CCT5: variants seen among roughly 807,000 people sequenced by gnomAD.
The protein encoded by CCT5 is T-complex protein 1 subunit epsilon.
A neutral mutation model predicts 55.0 loss-of-function variants in CCT5; 6 were observed. That is an observed-to-expected ratio of 0.11 (90% CI 0.06 to 0.22). The LOEUF (loss-of-function observed/expected upper bound fraction) is 0.22. Ranked by LOEUF, CCT5 falls within the 10% of genes least tolerant of loss-of-function variation. The pLI is 1.00. For missense variants in CCT5, 560 were observed against 694.6 expected (o/e 0.81, Z 2.18); for synonymous variants, 231 against 243.7 (o/e 0.95, Z 0.49).
chr5:10,260,231 G>A (rs184413982), intron 6 of CCT5, among the ~76,000 whole-genome samples: 6 of 152,256 alleles, frequency 3.9e-5, no homozygotes, highest in Non-Finnish European at 7.4e-5. Context: ...CAGCCTGATC[G>A]TTGCCCTCCT....
At chr5:10,260,754 A>T (rs773714890) in intron 6 of CCT5, 38 bp from the exon 7 acceptor site, 2 of 1,610,836 alleles carry the variant, frequency 1.2e-6, no homozygotes, top group African/African-American at 1.3e-5. Flanking sequence ...ATAAATACCC[A>T]CTTTCTCTTA....
At chr5:10,255,395 T>A (rs1745621523) in intron 3 of CCT5, among the ~76,000 whole-genome samples, 1 of 152,186 alleles carries the variant, frequency 6.6e-6, no homozygotes, top group South Asian at 2.1e-4. Flanking sequence ...CTTTAAAAAG[T>A]TGGGGAGATT....
At chr5:10,253,830 C>T (rs774726729) in intron 1 of CCT5, among the ~76,000 whole-genome samples, 2 of 152,148 alleles carry the variant, frequency 1.3e-5, no homozygotes, top group African/African-American at 2.4e-5. Context: ...GGTCTTGCAA[C>T]GCCTGTAAGG....
chr5:10,262,537 C>T lies in CCT5; in HGVS notation c.1236C>T (p.Leu412=). The T allele has an allele frequency of 3.7e-6, 6 of 1,614,240 alleles. No homozygotes were observed. Among genetic ancestry groups the T allele is most frequent in the Non-Finnish European group, 5.1e-6 (6 of 1,180,034 alleles). The change falls in exon 9 of 11, where the codon CTC becomes CTT. Residue 412 remains leucine (L), a synonymous_variant. Coordinates refer to ENST00000280326, the MANE Select transcript of CCT5 (RefSeq NM_012073.5). Reference sequence around the variant, plus strand: ...ATGCTTTGTGTGTCATCCGGAACCTCATCCGCGATAATCGTGTGGTGTATG... The same window carrying T: ...ATGCTTTGTGTGTCATCCGGAACCTTATCCGCGATAATCGTGTGGTGTATG... ...LHDALCVIRN[L]IRDNRVVYGG...
At chr5:10,259,994 CA>C (rs1264677798) in intron 6 of CCT5, among the ~76,000 whole-genome samples, 1 of 152,204 alleles carries the variant, frequency 6.6e-6, no homozygotes, top group Non-Finnish European at 1.5e-5. Flanking sequence ...AGAGGGAAAG[CA>C]GCTGCCATCT....
intron 8 of CCT5, 94 bp from the exon 9 acceptor site, chr5:10,262,387 C>A: frequency 7.4e-7 from 1 of 1,343,598 alleles, no homozygotes; most frequent in Non-Finnish European, 1.1e-6. Flanking sequence ...AATATTAGAG[C>A]ACAGCCTCTC....
chr5:10,253,425 C>A (rs2607295), intron 1 of CCT5, among the ~76,000 whole-genome samples: 112,325 of 152,040 alleles, frequency 0.74, 43,675 homozygotes, highest in East Asian at 0.87. Flanking sequence ...AGCAGTTTTT[C>A]TTTTTATTTT....
intron 6 of CCT5, among the ~76,000 whole-genome samples, chr5:10,259,318 G>A (rs1164640709): frequency 6.6e-6 from 1 of 152,224 alleles, no homozygotes; most frequent in African/African-American, 2.4e-5. Flanking sequence ...CAGTACTCAA[G>A]AAGACAGGAA....
intron 6 of CCT5, 144 bp from the exon 7 acceptor site, chr5:10,260,648 C>T: frequency 1.2e-6 from 1 of 828,492 alleles, no homozygotes. Context: ...GGACACTTGT[C>T]TATTTCCTTC....
chr5:10,261,855 T>C (rs1264833708), intron 8 of CCT5, 110 bp downstream of exon 8: 16 of 852,210 alleles, frequency 1.9e-5, no homozygotes, highest in East Asian at 1.2e-4. Flanking sequence ...AAAATAATCG[T>C]GGTTCTCAAA....
In CCT5 at chr5:10,261,782, T is replaced by C. The variant is rs752178580; in HGVS notation, c.1179+37T>C. 6 of 1,572,726 alleles carry C rather than the reference T, an allele frequency of 3.8e-6. No individual in the cohort carries two copies. In the South Asian group the frequency reaches 6.7e-5, roughly 17 times the overall value. Reference sequence around the variant, plus strand: ...ACTATTTGTCCTATACTGTTGCTTATTTTGCTTCATGGTCTGGCTTTTTTG... The same window carrying C: ...ACTATTTGTCCTATACTGTTGCTTACTTTGCTTCATGGTCTGGCTTTTTTG... On this transcript the variant is annotated intron_variant, in intron 8 of 10. Coordinates refer to ENST00000280326, the MANE Select transcript of CCT5 (RefSeq NM_012073.5).
Position 10,258,091 on chromosome 5 carries a change from T to A in CCT5, c.531-20T>A. 6.2e-7 allele frequency: 1 copy of A among 1,613,488 alleles called. No homozygotes were observed. The highest frequency in any genetic ancestry group is 8.5e-7 in the Non-Finnish European group (1 of 1,179,536). ...GTAATTGTGAAACCAATGAAGTTTGTTTTGTGGTGTTTTCCTCAGGGTCAA... is the reference window on the plus strand; with the variant it reads ...GTAATTGTGAAACCAATGAAGTTTGATTTGTGGTGTTTTCCTCAGGGTCAA... On this transcript the variant is annotated intron_variant, in intron 4 of 10. Transcript: ENST00000280326.
At position 10,264,849 on chromosome 5, in the gene CCT5, C is replaced by G; in HGVS notation, c.*66C>G. 1 of 1,595,690 alleles carries G rather than the reference C, an allele frequency of 6.3e-7. No homozygotes were observed. The highest frequency in any genetic ancestry group is 8.6e-7 in the Non-Finnish European group (1 of 1,165,110). ...TTAAGTAAATGGATGTCTCGTGATG[C>G]ATCTACAGTTATTTATTGTTACATC... On this transcript the variant is annotated 3_prime_UTR_variant, in exon 11 of 11. Transcript: ENST00000280326.
intron 1 of CCT5, among the ~76,000 whole-genome samples, chr5:10,251,943 C>T (rs1745444078): frequency 6.6e-6 from 1 of 152,210 alleles, no homozygotes; most frequent in East Asian, 1.9e-4. Context: ...CACTCTGAGA[C>T]AGGGTTATTT....
rs1746192360 is a variant in CCT5, at chr5:10,265,650, CTTTCTTACTGCTCACAT to C, written c.*868_*884del. 6.6e-6 allele frequency: 1 copy of C among 152,088 alleles called. No homozygotes were observed. Among genetic ancestry groups the C allele is most frequent in the Non-Finnish European group, 1.5e-5 (1 of 68,040 alleles). The allele number at this position is 152,088 out of a possible 1,614,324, so 9.4% of individuals were successfully genotyped here. On this transcript the variant is annotated 3_prime_UTR_variant, in exon 11 of 11. Transcript: ENST00000280326. ...CTGACAACCCAGTGAGGCAGATACA[CTTTCTTACTGCTCACAT>C]CTTACAGGTGAGTACTCATAATTGG...
chr5:10,250,632 T>A (rs1745339540), intron 1 of CCT5, 187 bp downstream of exon 1: 2 of 1,428,448 alleles, frequency 1.4e-6, no homozygotes, highest in Non-Finnish European at 9.1e-7. Flanking sequence ...CGCCTAATCC[T>A]GGGCTCGGAA....
Position 10,260,992 on chromosome 5 carries a change from A to G in CCT5, c.993+81A>G, listed in dbSNP as rs1478226009. 7.8e-6 allele frequency: 11 copies of G among 1,406,546 alleles called. No homozygotes were observed. In the Admixed American group the frequency reaches 1.8e-4, roughly 24 times the overall value. 87.1% of individuals were successfully genotyped at this position (1,406,546 alleles called of 1,614,324 possible). A position where few individuals can be genotyped will look rare whatever the true frequency, so the allele number is the denominator to read the frequency against. On this transcript the variant is annotated intron_variant, in intron 7 of 10. Coordinates refer to ENST00000280326, the MANE Select transcript of CCT5 (RefSeq NM_012073.5). Reference sequence around the variant, plus strand: ...AGGGGTGTTTTGATAGCCCTGCCTTAAATAACTGCATCACACCAAGGCTGG... The same window carrying G: ...AGGGGTGTTTTGATAGCCCTGCCTTGAATAACTGCATCACACCAAGGCTGG...
chr5:10,250,490 C>A (rs948275889), intron 1 of CCT5, 45 bp downstream of exon 1: 1 of 1,607,250 alleles, frequency 6.2e-7, no homozygotes. Flanking sequence ...GGGGAGGTGG[C>A]CGAGGCCGTG....
At chr5:10,262,116 T>G (rs1165234493) in intron 8 of CCT5, 1 of 392,622 alleles carries the variant, frequency 2.5e-6, no homozygotes, top group African/African-American at 2.1e-5. Flanking sequence ...AATATGGTAT[T>G]ATTACCAAGG....
Sources: gnomAD v4.1 joint callset for allele counts (sites outside exome capture counted in the v4.1 genomes callset) on GRCh38, gnomAD v4.1.1 for gene constraint, MANE v1.5 for transcripts, NCBI Gene and HGNC (gene_info 2026-07-23, HGNC 2026-07-21) for gene names.